PIGB: variants seen among roughly 807,000 people sequenced by gnomAD.
PIGB encodes GPI alpha-1,2-mannosyltransferase 3.
In PIGB, 58 loss-of-function variants were observed where a neutral mutation model predicts 68.4. The observed-to-expected ratio is 0.85, with a 90% CI of 0.69 to 1.06. The LOEUF is 1.06. Among genes scored for constraint, PIGB ranks in the 50% least tolerant of loss-of-function variants. The pLI is 0.00. For synonymous variants in PIGB, 219 were observed against 220.5 expected (o/e 0.99, Z 0.06); for missense variants, 634 against 655.8 (o/e 0.97, Z 0.36).
At chr15:55,337,332 ACCAGTCCCAAGGCTGTGGACTGGCC>A (rs2055560245) in intron 6 of PIGB, among the ~76,000 whole-genome samples, 1 of 152,232 alleles carries the variant, frequency 6.6e-6, no homozygotes, top group South Asian at 2.1e-4. Flanking sequence ...GGCAGGGGTC[ACCAGTCCCAAGGCTGTGGACTGGCC>A]CCAGTCCATG....
Position 55,348,946 on chromosome 15 carries a change from C to T in PIGB, c.1124-1753C>T, listed in dbSNP as rs181786875. ...TTACAGATGGTTGAACTTTTAGAAT[C>T]CTATTTTTTAATTTATTTTGAGACA... On this transcript the variant is annotated intron_variant, in intron 9 of 11. Transcript: ENST00000164305. Among the ~76,000 whole-genome samples the T allele has an allele frequency of 4.9e-3, 740 of 152,222 alleles. 3 individuals are homozygous for T. The highest frequency in any genetic ancestry group is 6.7e-3 in the Non-Finnish European group (455 of 68,010).
chr15:55,327,453 GC>G, intron 3 of PIGB, 77 bp from the exon 4 acceptor site: 1 of 908,434 alleles, frequency 1.1e-6, no homozygotes, highest in Non-Finnish European at 1.7e-6. Context: ...AGTTGGATCA[GC>G]TTGTTGACTT....
intron 5 of PIGB, among the ~76,000 whole-genome samples, chr15:55,330,173 T>C (rs1399447861): frequency 6.6e-6 from 1 of 152,144 alleles, no homozygotes; most frequent in East Asian, 1.9e-4. Context: ...AAGAAATGGT[T>C]ACTGGAATCT....
chr15:55,339,233 A>C (rs1160184057), intron 6 of PIGB, 34 bp from the exon 7 acceptor site: 1 of 1,494,984 alleles, frequency 6.7e-7, no homozygotes, highest in Non-Finnish European at 9.1e-7. Flanking sequence ...AGCAAGCTCC[A>C]AATGTGAATC....
At chr15:55,344,890 C>CT (rs1164109873) in intron 9 of PIGB, among the ~76,000 whole-genome samples, 8,379 of 98,962 alleles carry the variant, frequency 0.085, 701 homozygotes, top group Non-Finnish European at 0.12. Context: ...ATATTCTTAT[C>CT]TTTTTTTTTT....
chr15:55,326,459 G>T (rs1036156066), intron 3 of PIGB, among the ~76,000 whole-genome samples: 1 of 151,870 alleles, frequency 6.6e-6, no homozygotes, highest in African/African-American at 2.4e-5. Context: ...TCAGAAGATT[G>T]TTAGGACTGA....
At chr15:55,354,441 C>T (rs1313546246) in intron 10 of PIGB, 1 of 182,434 alleles carries the variant, frequency 5.5e-6, no homozygotes, top group African/African-American at 2.4e-5. Context: ...GAGAATTACT[C>T]TCCTATTAAC....
chr15:55,320,125 C>A, intron 1 of PIGB, 150 bp from the exon 2 acceptor site: 1 of 542,280 alleles, frequency 1.8e-6, no homozygotes, highest in South Asian at 3.8e-5. Flanking sequence ...GCTTGTATAA[C>A]CAACCAAGTT....
At chr15:55,344,890 CTTTTT>C (rs1164109873) in intron 9 of PIGB, among the ~76,000 whole-genome samples, 2 of 98,898 alleles carry the variant, frequency 2.0e-5, no homozygotes, top group Non-Finnish European at 3.9e-5. Flanking sequence ...ATATTCTTAT[CTTTTT>C]TTTTTTTTTT....
chr15:55,330,993 A>G (rs528397002), intron 5 of PIGB, among the ~76,000 whole-genome samples: 2 of 152,366 alleles, frequency 1.3e-5, no homozygotes, highest in South Asian at 2.1e-4. Flanking sequence ...TCTGAGCCAC[A>G]CAAATGAATT....
chr15:55,328,417 C>A (rs2055339624), intron 4 of PIGB, among the ~76,000 whole-genome samples: 1 of 152,112 alleles, frequency 6.6e-6, no homozygotes, highest in African/African-American at 2.4e-5. Flanking sequence ...AAAATACATT[C>A]TAAATTCCAA....
chr15:55,337,376 G>C (rs2055561404), intron 6 of PIGB, among the ~76,000 whole-genome samples: 1 of 152,214 alleles, frequency 6.6e-6, no homozygotes, highest in South Asian at 2.1e-4. Flanking sequence ...TGGCCTCTTA[G>C]GAACTGGGCT....
intron 10 of PIGB, chr15:55,351,670 G>C (rs2055924828): frequency 6.6e-6 from 1 of 151,322 alleles, no homozygotes; most frequent in Non-Finnish European, 1.5e-5. Flanking sequence ...AGAAGATCGA[G>C]ACCATCCTGG....
rs776537133 is a variant in PIGB at position 55,350,709 on chromosome 15, A to C, written c.1134A>C (p.Leu378Phe). The C allele has an allele frequency of 4.3e-6, 7 of 1,611,010 alleles. No individual in the cohort carries two copies. Among genetic ancestry groups the C allele is most frequent in the Non-Finnish European group, 5.9e-6 (7 of 1,177,298 alleles). Residue 378 changes from leucine to phenylalanine, a missense_variant, in exon 10 of 12, where the codon TTA (leucine) becomes TTC (phenylalanine). Transcript: ENST00000164305. ...TCTATCTTCATATAGGATACTCATT[A>C]ACCCACCTGAAAACATGGAAGAAAC... ...PFCMVFCGYS[L>F]THLKTWKKPA... is the part of the protein sequence containing the mutation.
At chr15:55,343,839 C>CT (rs986985654) in intron 9 of PIGB, among the ~76,000 whole-genome samples, 40 of 152,170 alleles carry the variant, frequency 2.6e-4, no homozygotes, top group African/African-American at 9.7e-4. Flanking sequence ...TCAAAAAACT[C>CT]TAATTCCTAG....
At chr15:55,344,344 G>C (rs903134560) in intron 9 of PIGB, among the ~76,000 whole-genome samples, 2 of 152,220 alleles carry the variant, frequency 1.3e-5, no homozygotes, top group Non-Finnish European at 2.9e-5. Context: ...TCCTCCAACA[G>C]GCCAGCTAGG....
In PIGB at chr15:55,343,301, C is replaced by T. The variant is rs1227305486; in HGVS notation, c.1123+1499C>T. ...TTGGCAAGCCTTAAGAATAGCTGGCCCCATTTGTCAGAGGAAATCTGTTCA... is the reference window on the plus strand; with the variant it reads ...TTGGCAAGCCTTAAGAATAGCTGGCTCCATTTGTCAGAGGAAATCTGTTCA... On this transcript the variant is annotated intron_variant, in intron 9 of 11. Transcript: ENST00000164305. 4.6e-5 allele frequency: 7 copies of T among 152,194 alleles called. No individual in the cohort carries two copies. In the East Asian group the frequency reaches 1.4e-3, roughly 29 times the overall value. The allele number at this position is 152,194 out of a possible 1,614,324, so 9.4% of individuals were successfully genotyped here.
rs1182916210 is a variant in PIGB, at chr15:55,354,824, G to A, written c.1364G>A (p.Arg455Lys). The A allele has an allele frequency of 6.2e-7, 1 of 1,612,084 alleles. No homozygotes were observed. Among genetic ancestry groups the A allele is most frequent in the Admixed American group, 1.7e-5 (1 of 59,554 alleles). The change falls in exon 11 of 12, where the codon AGA becomes AAA. Residue 455 changes from arginine (R) to lysine (K), a missense_variant. Arg to Lys is a conservative substitution (Grantham distance 26). Coordinates refer to ENST00000164305, the MANE Select transcript of PIGB (RefSeq NM_004855.5). Reference sequence around the variant, plus strand: ...CATGTTCACTGCCCACTTCCCATGAGATTTCTCCAGTGCCCGCCAGACCTG... The same window carrying A: ...CATGTTCACTGCCCACTTCCCATGAAATTTCTCCAGTGCCCGCCAGACCTG... Reference protein sequence around the residue: ...YSHVHCPLPMRFLQCPPDLTG... With the variant: ...YSHVHCPLPMKFLQCPPDLTG...
intron 9 of PIGB, chr15:55,346,628 C>A (rs986307465): frequency 6.6e-6 from 1 of 152,170 alleles, no homozygotes; most frequent in African/African-American, 2.4e-5. Context: ...CACTGGGGTA[C>A]ACACACAGTC....
Sources: gnomAD v4.1 joint callset for allele counts (sites outside exome capture counted in the v4.1 genomes callset) on GRCh38, gnomAD v4.1.1 for gene constraint, MANE v1.5 for transcripts, NCBI Gene and HGNC (gene_info 2026-07-23, HGNC 2026-07-21) for gene names.